The following SBF2 variants were observed in gnomAD, a reference collection of about 807,000 sequenced individuals.
SBF2 encodes the protein SET binding factor 2.
A neutral mutation model predicts 225.2 loss-of-function variants in SBF2; 112 were observed. That is an observed-to-expected ratio of 0.50 (90% CI 0.43 to 0.58). SBF2 has a LOEUF of 0.58. Ranked by LOEUF, SBF2 falls within the 20% of genes least tolerant of loss-of-function variation. The pLI, the probability that SBF2 is intolerant of heterozygous loss-of-function variation, is 0.00. For synonymous variants in SBF2, 763 were observed against 773.3 expected, an observed-to-expected ratio of 0.99 and a Z score of 0.22; for missense variants, 1,996 against 2,206.2, an observed-to-expected ratio of 0.90 and a Z score of 1.91.
At chr11:9,972,768 A>AC (rs1246263093) in intron 13 of SBF2, among the ~76,000 whole-genome samples, 1 of 152,268 alleles carries the variant, frequency 6.6e-6, no homozygotes, top group Admixed American at 6.5e-5. Context: ...GGCGTAAGCC[A>AC]CCACGCCCAG....
intron 29 of SBF2, 110 bp from the exon 30 acceptor site, chr11:9,812,818 C>A: frequency 2.8e-6 from 3 of 1,060,382 alleles, no homozygotes; most frequent in Non-Finnish European, 4.2e-6. Flanking sequence ...CAAATAGCTG[C>A]AGAGGCTGCC....
At chr11:10,251,261 C>G (rs1168734258) in intron 1 of SBF2, among the ~76,000 whole-genome samples, 2 of 152,134 alleles carry the variant, frequency 1.3e-5, no homozygotes, top group Non-Finnish European at 2.9e-5. Flanking sequence ...GTCAGGAAGC[C>G]TTCACTCTTC....
intron 2 of SBF2, among the ~76,000 whole-genome samples, chr11:10,130,231 G>A (rs534763766): frequency 1.1e-4 from 17 of 151,842 alleles, no homozygotes; most frequent in South Asian, 4.2e-4. Flanking sequence ...GTGTGGTGGC[G>A]GGCACCTGTA....
chr11:10,090,951 T>C (rs1951761306), intron 2 of SBF2, among the ~76,000 whole-genome samples: 1 of 152,066 alleles, frequency 6.6e-6, no homozygotes, highest in African/African-American at 2.4e-5. Context: ...ACGTAACTTA[T>C]AATATTGCAA....
At chr11:9,913,900 C>G (rs1363283913) in intron 16 of SBF2, among the ~76,000 whole-genome samples, 2 of 152,212 alleles carry the variant, frequency 1.3e-5, no homozygotes, top group Non-Finnish European at 2.9e-5. Context: ...CAGGGTCTCA[C>G]TATGTTGCCC....
chr11:9,920,889 ACCTACCCTTAAGGGTTCCT>A (rs142714400), intron 16 of SBF2, among the ~76,000 whole-genome samples: 2,187 of 152,104 alleles, frequency 0.014, 42 homozygotes, highest in African/African-American at 0.049. Context: ...GGGTTCCACA[ACCTACCCTTAAGGGTTCCT>A]CCTACCCTTA....
At chr11:9,851,769 C>G (rs1443992381) in intron 21 of SBF2, among the ~76,000 whole-genome samples, 1 of 151,802 alleles carries the variant, frequency 6.6e-6, no homozygotes, top group Non-Finnish European at 1.5e-5. Context: ...ATGAATTTAC[C>G]TATTTATTTA....
chr11:9,842,352 G>C (rs1048292513), intron 25 of SBF2, among the ~76,000 whole-genome samples: 23 of 152,116 alleles, frequency 1.5e-4, no homozygotes, highest in Admixed American at 1.1e-3. Flanking sequence ...ATGCAGTGGG[G>C]TTCCCTTCTT....
Position 9,781,521 on chromosome 11 carries a change from TG to T in SBF2, c.5436del (p.Asp1812GlufsTer65). 1 of 1,614,218 alleles carries T rather than the reference TG, an allele frequency of 6.2e-7. No homozygotes were observed. Among genetic ancestry groups the T allele is most frequent in the Non-Finnish European group, 8.5e-7 (1 of 1,180,036 alleles). On this transcript the variant is annotated frameshift_variant, in exon 39 of 40. Transcript: ENST00000256190. LOFTEE classifies it high-confidence loss of function. ...PSMGAPKHTSDKAFFDLKTSK... is the reference protein window; with the variant it reads ...PSMGAPKHTSXKAFFDLKTSK... Reference sequence around the variant, plus strand: ...GATCAACTTACATCAAAGAAAGCCTTGTCACTTGTGTGCTTTGGGGCTCCCA... The same window carrying T: ...GATCAACTTACATCAAAGAAAGCCTTTCACTTGTGTGCTTTGGGGCTCCCA...
chr11:9,795,145 G>A lies in SBF2; in HGVS notation c.4570+686C>T, dbSNP rs181903985. 5.6e-4 allele frequency among the ~76,000 whole-genome samples: 85 copies of A among 152,202 alleles called. 1 individual carries two copies. Among genetic ancestry groups the A allele is most frequent in the Middle Eastern group, 6.8e-3 (2 of 294 alleles). On this transcript the variant is annotated intron_variant, in intron 33 of 39. Coordinates refer to ENST00000256190, the MANE Select transcript of SBF2 (RefSeq NM_030962.4). ...AATTCCCTTGGGAAATGTTTTTACC[G>A]GGGCTGACTTTCAGAATCTACTCAT...
rs150471598 is a variant in SBF2 at position 10,220,650 on chromosome 11, G to A, written c.56-26663C>T. ...TTGAAATCATACTCACATTTAAAAT[G>A]CACCAATGGCTTCCCACTATCTATG... is the stretch of plus-strand genomic sequence containing the variant. On this transcript the variant is annotated intron_variant, in intron 1 of 39. Coordinates refer to ENST00000256190, the MANE Select transcript of SBF2 (RefSeq NM_030962.4). Among the ~76,000 whole-genome samples the A allele has an allele frequency of 2.6e-5, 4 of 152,162 alleles. No individual in the cohort carries two copies. The East Asian group carries it at 7.7e-4, about 29-fold the overall frequency.
chr11:10,058,812 C>G (rs1242903775), intron 2 of SBF2, among the ~76,000 whole-genome samples: 1 of 152,158 alleles, frequency 6.6e-6, no homozygotes, highest in Non-Finnish European at 1.5e-5. Context: ...GTAGACCATT[C>G]AGTTGAAATC....
At chr11:9,785,451 A>G in intron 36 of SBF2, 133 bp from the exon 37 acceptor site, 3 of 745,726 alleles carry the variant, frequency 4.0e-6, no homozygotes, top group Non-Finnish European at 7.0e-6. Context: ...AAAGGTATCA[A>G]TCTCAGAGTT....
intron 33 of SBF2, among the ~76,000 whole-genome samples, chr11:9,793,886 G>A (rs1194304804): frequency 6.6e-6 from 1 of 152,182 alleles, no homozygotes; most frequent in African/African-American, 2.4e-5. Flanking sequence ...TCTGCTATAG[G>A]AGAAGCCTTG....
At chr11:10,061,532 C>T (rs1263928742) in intron 2 of SBF2, among the ~76,000 whole-genome samples, 1 of 152,104 alleles carries the variant, frequency 6.6e-6, no homozygotes, top group Non-Finnish European at 1.5e-5. Context: ...CACTAGCATT[C>T]CTATACACCA....
At chr11:10,196,892 C>A (rs1957397115) in intron 1 of SBF2, among the ~76,000 whole-genome samples, 2 of 116,620 alleles carry the variant, frequency 1.7e-5, no homozygotes, top group African/African-American at 3.3e-5. Context: ...AAAATGAATA[C>A]CACACTGAAC....
intron 17 of SBF2, among the ~76,000 whole-genome samples, chr11:9,893,653 C>T (rs190135396): frequency 6.6e-4 from 100 of 152,264 alleles, no homozygotes; most frequent in African/African-American, 2.1e-3. Context: ...AGAAGTTTCA[C>T]GGCCATCCTA....
chr11:9,784,108 G>A (rs1852210336), intron 38 of SBF2, among the ~76,000 whole-genome samples: 2 of 152,128 alleles, frequency 1.3e-5, no homozygotes, highest in Admixed American at 6.5e-5. Flanking sequence ...TATGCTCTGG[G>A]CTCAATTGTT....
At chr11:10,099,530 G>A (rs1469622429) in intron 2 of SBF2, among the ~76,000 whole-genome samples, 2 of 152,046 alleles carry the variant, frequency 1.3e-5, no homozygotes, top group Non-Finnish European at 2.9e-5. Context: ...AAACTAACTG[G>A]TAAAGGTAAG....
Sources: allele counts gnomAD v4.1 joint callset (sites outside exome capture counted in the v4.1 genomes callset), GRCh38; gene constraint gnomAD v4.1.1; transcripts MANE v1.5; gene names NCBI Gene and HGNC (gene_info 2026-07-23, HGNC 2026-07-21).